The following SORCS1 variants were observed in gnomAD, a reference collection of about 807,000 sequenced individuals.
SORCS1 encodes the protein VPS10 domain-containing receptor SorCS1.
In SORCS1, 60 loss-of-function variants were observed where a neutral mutation model predicts 146.1. The observed-to-expected ratio is 0.41, with a 90% CI of 0.33 to 0.51. The LOEUF (loss-of-function observed/expected upper bound fraction) is 0.51, where lower values mean the gene tolerates loss of function less well. SORCS1 is among the 20% of genes least tolerant of loss of function. SORCS1 has a pLI of 0.21. For missense variants in SORCS1, 1,352 were observed against 1,487.6 expected, an observed-to-expected ratio of 0.91 and a Z score of 1.50; for synonymous variants, 637 against 584.0, an observed-to-expected ratio of 1.09 and a Z score of -1.31.
chr10:106,737,592 G>A (rs1857044945), intron 5 of SORCS1, among the ~76,000 whole-genome samples: 1 of 152,100 alleles, frequency 6.6e-6, no homozygotes, highest in Non-Finnish European at 1.5e-5. Context: ...AGGCGTGGTG[G>A]CACACATCTG....
intron 9 of SORCS1, among the ~76,000 whole-genome samples, chr10:106,697,941 T>C (rs955152726): frequency 1.3e-5 from 2 of 152,176 alleles, no homozygotes; most frequent in Non-Finnish European, 2.9e-5. Flanking sequence ...CTGTCATACA[T>C]GATATTGTAT....
intron 2 of SORCS1, among the ~76,000 whole-genome samples, chr10:106,842,210 T>C (rs1210827305): frequency 1.3e-5 from 2 of 152,188 alleles, no homozygotes; most frequent in Non-Finnish European, 2.9e-5. Flanking sequence ...ACTGGACATC[T>C]GTATATGTTA....
intron 19 of SORCS1, among the ~76,000 whole-genome samples, chr10:106,625,472 T>C (rs759274111): frequency 6.6e-6 from 1 of 152,202 alleles, no homozygotes. Flanking sequence ...TATGATGCCA[T>C]ACTTCCAGGA....
intron 2 of SORCS1, among the ~76,000 whole-genome samples, chr10:106,835,294 C>G (rs1948732977): frequency 6.6e-6 from 1 of 152,184 alleles, no homozygotes; most frequent in Admixed American, 6.5e-5. Flanking sequence ...TAAATAAACA[C>G]AGAATCATTG....
At chr10:107,044,902 A>AGCC (rs1959234612) in intron 1 of SORCS1, among the ~76,000 whole-genome samples, 1 of 151,930 alleles carries the variant, frequency 6.6e-6, no homozygotes, top group South Asian at 2.1e-4. Flanking sequence ...AAGGGGTGTC[A>AGCC]GTTTTATATT....
At position 106,577,954 on chromosome 10, in the gene SORCS1, C is replaced by T. The variant is rs962007903; in HGVS notation, c.3372-399G>A. On this transcript the variant is annotated intron_variant, in intron 25 of 25. Transcript: ENST00000263054. ...GCCAGTCACTGCATTTACATTTCCC[C>T]TTAACACAGCCACAGACCTTTCCCA... is the stretch of plus-strand genomic sequence containing the variant. The T allele has an allele frequency of 3.0e-5, 5 of 164,394 alleles. No individual in the cohort carries two copies. The South Asian group carries it at 8.2e-4, about 27-fold the overall frequency. 10.2% of individuals were successfully genotyped at this position (164,394 alleles called of 1,614,324 possible). A position where few individuals can be genotyped will look rare whatever the true frequency, so the allele number is the denominator to read the frequency against.
chr10:106,985,490 G>A (rs895560072), intron 1 of SORCS1, among the ~76,000 whole-genome samples: 3 of 150,922 alleles, frequency 2.0e-5, no homozygotes, highest in Non-Finnish European at 4.4e-5. Flanking sequence ...TGTCAGCTAT[G>A]TTCAAGACAA....
chr10:107,124,255 T>TGTTCAGC (rs949721425), intron 1 of SORCS1, among the ~76,000 whole-genome samples: 1 of 152,114 alleles, frequency 6.6e-6, no homozygotes, highest in Non-Finnish European at 1.5e-5. Context: ...AAGAGATATG[T>TGTTCAGC]GTTCAGCTGG....
chr10:107,011,904 T>C lies in SORCS1; in HGVS notation c.559-55324A>G, dbSNP rs1050799123. Among the ~76,000 whole-genome samples, 18 of 152,230 alleles carry C rather than the reference T, an allele frequency of 1.2e-4. No homozygotes were observed. The East Asian group carries it at 3.3e-3, about 28-fold the overall frequency. On this transcript the variant is annotated intron_variant, in intron 1 of 25. Transcript: ENST00000263054. ...ACAAGGTTGTCTATTTAAATATTGA[T>C]ATATCACAATTTTATATTTGTAAGG...
At chr10:107,157,401 A>G (rs1177231838) in intron 1 of SORCS1, among the ~76,000 whole-genome samples, 2 of 152,226 alleles carry the variant, frequency 1.3e-5, no homozygotes, top group African/African-American at 4.8e-5. Context: ...CTTAATAGGA[A>G]CATCTTGTTT....
chr10:107,071,029 CA>C lies in SORCS1; in HGVS notation c.558+92939del, dbSNP rs1962373725. Among the ~76,000 whole-genome samples, 4 of 152,206 alleles carry C rather than the reference CA, an allele frequency of 2.6e-5. No homozygotes were observed. In the South Asian group the frequency reaches 8.3e-4, roughly 32 times the overall value. On this transcript the variant is annotated intron_variant, in intron 1 of 25. Transcript: ENST00000263054. Reference sequence around the variant, plus strand: ...CTTGACACTAAATAATGCAAAAATGCAAAACGTAAACATTTGCTTTGGCTAT... The same window carrying C: ...CTTGACACTAAATAATGCAAAAATGCAAACGTAAACATTTGCTTTGGCTAT...
At chr10:107,016,066 CATAA>C (rs1366312232) in intron 1 of SORCS1, among the ~76,000 whole-genome samples, 1 of 151,864 alleles carries the variant, frequency 6.6e-6, no homozygotes, top group East Asian at 1.9e-4. Context: ...TTAAGAATGT[CATAA>C]ATAATAAAAA....
chr10:106,736,998 AG>A (rs144611174), intron 5 of SORCS1, among the ~76,000 whole-genome samples: 2 of 152,166 alleles, frequency 1.3e-5, no homozygotes, highest in Non-Finnish European at 2.9e-5. Context: ...TCCCCAAGCC[AG>A]AAGCCCAAGT....
intron 2 of SORCS1, among the ~76,000 whole-genome samples, chr10:106,831,877 T>C (rs1008885752): frequency 6.6e-6 from 1 of 152,118 alleles, no homozygotes; most frequent in East Asian, 1.9e-4. Context: ...GAAAACAAAA[T>C]TAGAAAGAGC....
intron 3 of SORCS1, among the ~76,000 whole-genome samples, chr10:106,804,391 AC>A (rs148084670): frequency 6.7e-6 from 1 of 149,900 alleles, no homozygotes. Context: ...AATAAAATAA[AC>A]CTAACAAATT....
chr10:106,871,360 C>A (rs1950400931), intron 2 of SORCS1, among the ~76,000 whole-genome samples: 1 of 152,150 alleles, frequency 6.6e-6, no homozygotes, highest in African/African-American at 2.4e-5. Context: ...ACCAGAACTA[C>A]CATTCCACCC....
At chr10:107,121,499 A>G (rs959236255) in intron 1 of SORCS1, among the ~76,000 whole-genome samples, 4 of 152,232 alleles carry the variant, frequency 2.6e-5, no homozygotes, top group Non-Finnish European at 5.9e-5. Flanking sequence ...AAAGGAAAGT[A>G]CAACAAAGAA....
At chr10:107,025,352 T>C (rs1958353074) in intron 1 of SORCS1, among the ~76,000 whole-genome samples, 1 of 152,180 alleles carries the variant, frequency 6.6e-6, no homozygotes, top group Non-Finnish European at 1.5e-5. Flanking sequence ...AAACAGTTCT[T>C]GAAGGCTCAA....
chr10:106,712,440 T>C (rs1413992214), intron 6 of SORCS1, among the ~76,000 whole-genome samples: 1 of 152,098 alleles, frequency 6.6e-6, no homozygotes, highest in Admixed American at 6.6e-5. Context: ...AGAACTCGGA[T>C]AAAACAAATG....
Sources: allele counts gnomAD v4.1 joint callset (sites outside exome capture counted in the v4.1 genomes callset), GRCh38; gene constraint gnomAD v4.1.1; transcripts MANE v1.5; gene names NCBI Gene and HGNC (gene_info 2026-07-23, HGNC 2026-07-21).